The following MAGI2 variants were observed in gnomAD, a reference collection of about 807,000 sequenced individuals.
MAGI2 encodes the protein membrane associated guanylate kinase, WW and PDZ domain containing 2, also known as membrane-associated guanylate kinase, WW and PDZ domain-containing protein 2.
Under a neutral mutation model 133.3 loss-of-function variants are expected in MAGI2, and 35 were observed. The ratio of observed to expected loss-of-function variants is 0.26; its 90% CI spans 0.20 to 0.35. The LOEUF (loss-of-function observed/expected upper bound fraction) is 0.35. Ranked by LOEUF, MAGI2 falls within the 10% of genes least tolerant of loss-of-function variation. The pLI, the probability that MAGI2 is intolerant of heterozygous loss-of-function variation, is 1.00. For synonymous variants in MAGI2, 729 were observed against 710.6 expected (o/e 1.03, Z -0.41); for missense variants, 1,636 against 1,863.4 (o/e 0.88, Z 2.25).
chr7:79,429,766 T>C (rs1042779845), intron 1 of MAGI2, among the ~76,000 whole-genome samples: 1 of 152,166 alleles, frequency 6.6e-6, no homozygotes, highest in Non-Finnish European at 1.5e-5. Flanking sequence ...GAATCTTCTA[T>C]TTTTCAGACA....
chr7:79,204,379 C>T lies in MAGI2; in HGVS notation c.302-197173G>A, dbSNP rs566293351. The stretch of plus-strand genomic sequence containing the variant: ...TCAGTGGGCCTGGGCTTCTGGCCTG[C>T]GCTAGTGGTGCATTTGCCATAATGA... On this transcript the variant is annotated intron_variant, in intron 1 of 21. Transcript: ENST00000354212. 2.3e-3 allele frequency among the ~76,000 whole-genome samples: 350 copies of T among 152,154 alleles called. 6 individuals carry two copies. The highest frequency in any genetic ancestry group is 7.7e-3 in the African/African-American group (321 of 41,432).
intron 2 of MAGI2, among the ~76,000 whole-genome samples, chr7:78,656,670 G>T (rs1812315180): frequency 6.6e-6 from 1 of 152,062 alleles, no homozygotes; most frequent in Non-Finnish European, 1.5e-5. Flanking sequence ...CAGAGAAAAA[G>T]TAAGCAAGGA....
At chr7:78,719,373 GA>G (rs76734080) in intron 2 of MAGI2, among the ~76,000 whole-genome samples, 1 of 151,682 alleles carries the variant, frequency 6.6e-6, no homozygotes, top group East Asian at 1.9e-4. Context: ...AAAAAATAAA[GA>G]AAAAAAATCC....
chr7:78,929,853 A>G (rs1007632752), intron 2 of MAGI2, among the ~76,000 whole-genome samples: 3 of 152,130 alleles, frequency 2.0e-5, no homozygotes, highest in Non-Finnish European at 2.9e-5. Context: ...TGAGCTTACC[A>G]GAAAGGCTAA....
chr7:78,944,839 C>T (rs1185226610), intron 2 of MAGI2, among the ~76,000 whole-genome samples: 2 of 151,982 alleles, frequency 1.3e-5, no homozygotes, highest in African/African-American at 2.4e-5. Flanking sequence ...CAAGCTCAAA[C>T]GATCCCCCCA....
chr7:79,021,881 C>T (rs577421073), intron 1 of MAGI2, among the ~76,000 whole-genome samples: 263 of 152,170 alleles, frequency 1.7e-3, no homozygotes, highest in African/African-American at 5.9e-3. Flanking sequence ...TGTAAGAATC[C>T]CAATATGTCA....
chr7:78,870,927 C>A (rs1382035722), intron 2 of MAGI2, among the ~76,000 whole-genome samples: 1 of 152,122 alleles, frequency 6.6e-6, no homozygotes, highest in Non-Finnish European at 1.5e-5. Context: ...GACTATTACT[C>A]TAAGTGGAGT....
At chr7:78,536,021 C>T (rs10241232) in intron 3 of MAGI2, among the ~76,000 whole-genome samples, 13,056 of 151,268 alleles carry the variant, frequency 0.086, 1,223 homozygotes, top group East Asian at 0.4. Flanking sequence ...TTAAAAACCC[C>T]GATCCCCAGA....
chr7:79,327,676 A>G (rs188292901), intron 1 of MAGI2, among the ~76,000 whole-genome samples: 46 of 151,884 alleles, frequency 3.0e-4, no homozygotes, highest in African/African-American at 9.9e-4. Context: ...CTCTCTCTCT[A>G]TTTCACACAC....
At chr7:78,177,461 T>TAC (rs1250682941) in intron 14 of MAGI2, among the ~76,000 whole-genome samples, 2 of 150,390 alleles carry the variant, frequency 1.3e-5, no homozygotes, top group Non-Finnish European at 1.5e-5. Context: ...CACACACACA[T>TAC]ACACACACAC....
Position 78,291,419 on chromosome 7 carries a change from C to A in MAGI2, c.1409-34838G>T, listed in dbSNP as rs552252347. ...TCCCTAAATAGACCAATACCAAGTT[C>A]TGAAATTGAGGCAATAATTAATAGC... On this transcript the variant is annotated intron_variant, in intron 9 of 21. Coordinates refer to ENST00000354212, the MANE Select transcript of MAGI2 (RefSeq NM_012301.4). Among the ~76,000 whole-genome samples, 6 of 152,298 alleles carry A rather than the reference C, an allele frequency of 3.9e-5. No homozygotes were observed. In the East Asian group the frequency reaches 1.2e-3, roughly 29 times the overall value.
At chr7:78,279,149 G>A (rs530339094) in intron 9 of MAGI2, among the ~76,000 whole-genome samples, 11 of 152,108 alleles carry the variant, frequency 7.2e-5, no homozygotes, top group East Asian at 1.9e-4. Flanking sequence ...CACAAACACC[G>A]AATGGGATCA....
chr7:78,570,764 A>C (rs1353558567), intron 3 of MAGI2, among the ~76,000 whole-genome samples: 1 of 152,144 alleles, frequency 6.6e-6, no homozygotes, highest in African/African-American at 2.4e-5. Flanking sequence ...AAATGCAATA[A>C]AGTGCTTTGT....
chr7:78,447,731 T>C (rs147008368), intron 6 of MAGI2, among the ~76,000 whole-genome samples: 3,168 of 152,288 alleles, frequency 0.021, 54 homozygotes, highest in Non-Finnish European at 0.031. Flanking sequence ...AAGCAATGAA[T>C]AGATACAAAG....
chr7:78,626,290 T>G (rs757517359), intron 3 of MAGI2, among the ~76,000 whole-genome samples: 4 of 152,168 alleles, frequency 2.6e-5, no homozygotes, highest in Non-Finnish European at 5.9e-5. Flanking sequence ...CAGATACATA[T>G]TTTCATTAGA....
intron 10 of MAGI2, chr7:78,255,691 A>G (rs914933190): frequency 1.7e-6 from 1 of 586,470 alleles, no homozygotes; most frequent in Non-Finnish European, 3.0e-6. Context: ...TTTACCCTCC[A>G]ACTTTCTATC....
chr7:79,248,864 A>AT (rs1393560537), intron 1 of MAGI2, among the ~76,000 whole-genome samples: 2 of 143,572 alleles, frequency 1.4e-5, no homozygotes, highest in Non-Finnish European at 3.0e-5. Flanking sequence ...ATTTTATTTT[A>AT]TTTATTTTAT....
intron 2 of MAGI2, among the ~76,000 whole-genome samples, chr7:78,865,595 T>C (rs1794491441): frequency 6.6e-6 from 1 of 152,098 alleles, no homozygotes; most frequent in South Asian, 2.1e-4. Flanking sequence ...AAACACAAAG[T>C]TTCATGGAGA....
intron 2 of MAGI2, among the ~76,000 whole-genome samples, chr7:78,754,164 C>T (rs1297769596): frequency 1.3e-5 from 2 of 151,834 alleles, no homozygotes; most frequent in Non-Finnish European, 2.9e-5. Flanking sequence ...ATCGCTTGAG[C>T]CCAGGAGTTC....
Sources: gnomAD v4.1 joint callset for allele counts (sites outside exome capture counted in the v4.1 genomes callset) on GRCh38, gnomAD v4.1.1 for gene constraint, MANE v1.5 for transcripts, NCBI Gene and HGNC (gene_info 2026-07-23, HGNC 2026-07-21) for gene names.